MAEA: variants seen among roughly 807,000 people sequenced by gnomAD.
MAEA encodes the protein E3 ubiquitin-protein transferase MAEA.
In MAEA, 22 loss-of-function variants were observed where a neutral mutation model predicts 46.2. The observed-to-expected ratio is 0.48, with a 90% CI of 0.34 to 0.68. The LOEUF is 0.68. MAEA is among the 30% of genes least tolerant of loss of function. The probability of loss-of-function intolerance (pLI) is 0.01; values close to 1 mark genes in which losing one functional copy is unlikely to be tolerated. For synonymous variants in MAEA, 246 were observed against 222.6 expected, an observed-to-expected ratio of 1.11 and a Z score of -0.94; for missense variants, 393 against 558.1, an observed-to-expected ratio of 0.70 and a Z score of 2.98.
intron 1 of MAEA, among the ~76,000 whole-genome samples, chr4:1,305,413 A>G (rs2108886606): frequency 6.6e-6 from 1 of 152,328 alleles, no homozygotes; most frequent in South Asian, 2.1e-4. Flanking sequence ...CGGTGTGGAC[A>G]CACCGTGGTT....
intron 5 of MAEA, 92 bp downstream of exon 5, chr4:1,327,795 G>A (rs1739038887): frequency 1.0e-6 from 1 of 956,182 alleles, no homozygotes; most frequent in Admixed American, 3.7e-5. Context: ...TGGGTCCTGG[G>A]ACGTCCCCTG....
rs1380130651 is a variant in MAEA at position 1,335,076 on chromosome 4, G to A, written c.766-1785G>A. The A allele has an allele frequency of 1.3e-5, 13 of 985,188 alleles. No homozygotes were observed. The South Asian group carries it at 1.4e-4, about 11-fold the overall frequency. 61.0% of individuals were successfully genotyped at this position (985,188 alleles called of 1,614,324 possible). A position where few individuals can be genotyped will look rare whatever the true frequency, so the allele number is the denominator to read the frequency against. ...GACTGAGCGGCCTTTCTGGGTTGAT[G>A]TGAAGGTTTTTCTCTCCTGTGCTCA... On this transcript the variant is annotated intron_variant, in intron 6 of 8. Coordinates refer to ENST00000303400, the MANE Select transcript of MAEA (RefSeq NM_001017405.3).
chr4:1,331,045 T>C (rs1357702148), intron 5 of MAEA: 3 of 150,234 alleles, frequency 2.0e-5, no homozygotes, highest in Non-Finnish European at 4.4e-5. Flanking sequence ...TGGGAGGAGG[T>C]GAGATGCCCG....
Position 1,322,469 on chromosome 4 carries a change from G to A in MAEA, c.545G>A (p.Cys182Tyr). The A allele has an allele frequency of 6.2e-7, 1 of 1,614,026 alleles. No individual in the cohort carries two copies. Among genetic ancestry groups the A allele is most frequent in the South Asian group, 1.1e-5 (1 of 91,086 alleles). Residue 182 changes from cysteine to tyrosine, a missense_variant, in exon 4 of 9, where the codon TGC (cysteine) becomes TAC (tyrosine). Transcript: ENST00000303400. ...GAGACGGCCACCTGCCTGGCCTGGT[G>A]CCATGACAACAAGTCCCGGCTCCGG... The part of the protein sequence containing the change: ...RRETATCLAW[C>Y]HDNKSRLRKM...
chr4:1,315,171 A>G (rs1032487651), intron 2 of MAEA, among the ~76,000 whole-genome samples: 1 of 152,250 alleles, frequency 6.6e-6, no homozygotes, highest in African/African-American at 2.4e-5. Context: ...CAGAAATAGC[A>G]GAGAGAAGCT....
At chr4:1,321,873 GTTTT>G (rs4045167) in intron 3 of MAEA, among the ~76,000 whole-genome samples, 1 of 140,442 alleles carries the variant, frequency 7.1e-6, no homozygotes, top group African/African-American at 2.6e-5. Flanking sequence ...TTTTTTTGTT[GTTTT>G]TTTTTTTTTT....
chr4:1,337,565 T>C (rs1712949588), intron 7 of MAEA: 1 of 176,818 alleles, frequency 5.7e-6, no homozygotes, highest in Non-Finnish European at 1.2e-5. Flanking sequence ...TCTGTCCCGT[T>C]TGTGACTGAT....
At chr4:1,325,448 A>T (rs2108972086) in intron 4 of MAEA, among the ~76,000 whole-genome samples, 1 of 152,308 alleles carries the variant, frequency 6.6e-6, no homozygotes, top group East Asian at 1.9e-4. Flanking sequence ...CACGACATAG[A>T]CACACTTACA....
At chr4:1,338,167 C>T (rs1007099413) in intron 7 of MAEA, 6 of 458,902 alleles carry the variant, frequency 1.3e-5, no homozygotes, top group African/African-American at 7.9e-5. Context: ...GCGACGGAGC[C>T]ACTCTGTGCC....
chr4:1,321,561 G>T (rs1738108829), intron 3 of MAEA, among the ~76,000 whole-genome samples: 1 of 152,244 alleles, frequency 6.6e-6, no homozygotes, highest in African/African-American at 2.4e-5. Flanking sequence ...TGTGAGGCCG[G>T]TGGTCCAGAC....
At chr4:1,294,643 A>G (rs1416615779) in intron 1 of MAEA, among the ~76,000 whole-genome samples, 1 of 151,242 alleles carries the variant, frequency 6.6e-6, no homozygotes, top group Non-Finnish European at 1.5e-5. Context: ...CAGGCCCTGC[A>G]CAGTCAGGCC....
At chr4:1,295,133 G>A (rs1032016817) in intron 1 of MAEA, among the ~76,000 whole-genome samples, 16 of 152,200 alleles carry the variant, frequency 1.1e-4, no homozygotes, top group Admixed American at 3.9e-4. Context: ...AAGGCCGGCC[G>A]GTGCCTGTAG....
Position 1,322,474 on chromosome 4 carries a change from GACA to G in MAEA, c.555_557del (p.Asn185del). The G allele has an allele frequency of 6.2e-7, 1 of 1,613,948 alleles. No individual in the cohort carries two copies. Among genetic ancestry groups the G allele is most frequent in the Non-Finnish European group, 8.5e-7 (1 of 1,180,010 alleles). On this transcript the variant is annotated inframe_deletion, in exon 4 of 9. Transcript: ENST00000303400. The stretch of plus-strand genomic sequence containing the variant: ...GGCCACCTGCCTGGCCTGGTGCCAT[GACA>G]ACAAGTCCCGGCTCCGGAAGATGAA...
intron 6 of MAEA, among the ~76,000 whole-genome samples, chr4:1,333,458 C>G (rs1712124357): frequency 6.6e-6 from 1 of 152,146 alleles, no homozygotes; most frequent in Non-Finnish European, 1.5e-5. Context: ...GCCCCTGAGT[C>G]AGGAGTTAGG....
At chr4:1,301,340 A>G (rs2108874623) in intron 1 of MAEA, among the ~76,000 whole-genome samples, 1 of 152,338 alleles carries the variant, frequency 6.6e-6, no homozygotes, top group South Asian at 2.1e-4. Flanking sequence ...TGTTTCAGTG[A>G]CGAAATCAGG....
intron 4 of MAEA, among the ~76,000 whole-genome samples, chr4:1,325,266 G>A (rs1195285960): frequency 1.3e-5 from 2 of 152,174 alleles, no homozygotes; most frequent in Non-Finnish European, 2.9e-5. Flanking sequence ...TGGGTGAGTG[G>A]CCCTGAAGGC....
At chr4:1,333,036 A>G (rs1712053037) in intron 6 of MAEA, among the ~76,000 whole-genome samples, 171 bp downstream of exon 6, 2 of 152,078 alleles carry the variant, frequency 1.3e-5, no homozygotes, top group South Asian at 4.1e-4. Flanking sequence ...CATTTTGCTC[A>G]TAAGAAATTT....
chr4:1,328,634 T>C, intron 5 of MAEA: 4 of 1,263,990 alleles, frequency 3.2e-6, no homozygotes, highest in Non-Finnish European at 4.1e-6. Context: ...CCACCTGCAG[T>C]GGGCCGGGTG....
At chr4:1,307,009 T>C (rs1473093337) in intron 1 of MAEA, among the ~76,000 whole-genome samples, 1 of 152,204 alleles carries the variant, frequency 6.6e-6, no homozygotes, top group East Asian at 1.9e-4. Flanking sequence ...TTCCCCACCC[T>C]GTATTGACCC....
Sources: allele counts gnomAD v4.1 joint callset (sites outside exome capture counted in the v4.1 genomes callset), GRCh38; gene constraint gnomAD v4.1.1; transcripts MANE v1.5; gene names NCBI Gene and HGNC (gene_info 2026-07-23, HGNC 2026-07-21).